The following GTF2A1 variants were observed in gnomAD, a reference collection of about 807,000 sequenced individuals.
GTF2A1 encodes general transcription factor IIA subunit 1.
GTF2A1 carries 12 observed loss-of-function variants against 54.1 expected under a neutral mutation model. That is an observed-to-expected ratio of 0.22 (90% CI 0.14 to 0.36). GTF2A1 has a LOEUF of 0.36. Among genes scored for constraint, GTF2A1 ranks in the 10% least tolerant of loss-of-function variants. GTF2A1 has a pLI of 1.00. For synonymous variants in GTF2A1, 145 were observed against 152.0 expected (o/e 0.95, Z 0.34); for missense variants, 335 against 442.2 (o/e 0.76, Z 2.17).
chr14:81,212,835 A>C (rs939772795), intron 2 of GTF2A1, among the ~76,000 whole-genome samples: 4 of 152,238 alleles, frequency 2.6e-5, no homozygotes, highest in Non-Finnish European at 4.4e-5. Flanking sequence ...CTTAATAAGC[A>C]CATGTGGCTA....
chr14:81,193,913 A>C (rs968461547), intron 6 of GTF2A1, among the ~76,000 whole-genome samples: 1 of 152,252 alleles, frequency 6.6e-6, no homozygotes, highest in Middle Eastern at 3.2e-3. Context: ...AAAAAATGGT[A>C]TAATAGACAA....
Position 81,176,839 on chromosome 14 carries a change from G to C in GTF2A1, c.*3384C>G. 6.6e-6 allele frequency: 1 copy of C among 151,900 alleles called. No homozygotes were observed. The highest frequency in any genetic ancestry group is 1.5e-5 in the Non-Finnish European group (1 of 67,888). The allele number at this position is 151,900 out of a possible 1,614,324, so 9.4% of individuals were successfully genotyped here. On this transcript the variant is annotated 3_prime_UTR_variant, in exon 9 of 9. Coordinates refer to ENST00000553612, the MANE Select transcript of GTF2A1 (RefSeq NM_015859.4). ...ACATTGCACAAAAGCTTAAAAAAAA[G>C]AAAGTTCAAGATGAAATAATCGGAA...
At chr14:81,209,979 T>C (rs1201134623) in intron 2 of GTF2A1, 2 of 858,608 alleles carry the variant, frequency 2.3e-6, no homozygotes, top group South Asian at 2.8e-5. Context: ...TCTTCTAGAA[T>C]ACTGTTCCTA....
At chr14:81,184,239 T>G (rs1315913702) in intron 8 of GTF2A1, among the ~76,000 whole-genome samples, 1 of 152,190 alleles carries the variant, frequency 6.6e-6, no homozygotes, top group East Asian at 1.9e-4. Flanking sequence ...ACAAAGGTCC[T>G]CGCTTGCCTG....
At chr14:81,208,991 T>C (rs1893302851) in intron 2 of GTF2A1, among the ~76,000 whole-genome samples, 1 of 152,240 alleles carries the variant, frequency 6.6e-6, no homozygotes, top group African/African-American at 2.4e-5. Context: ...GATGAGACTC[T>C]GGACTGTGGA....
At chr14:81,189,541 G>A (rs928802437) in intron 7 of GTF2A1, among the ~76,000 whole-genome samples, 1 of 151,982 alleles carries the variant, frequency 6.6e-6, no homozygotes, top group Admixed American at 6.6e-5. Context: ...CGAGGTGGCG[G>A]GCACCTCTAG....
chr14:81,183,754 T>C (rs1233161150), intron 8 of GTF2A1, among the ~76,000 whole-genome samples: 2 of 152,212 alleles, frequency 1.3e-5, no homozygotes, highest in Admixed American at 6.5e-5. Flanking sequence ...ACCATATTAT[T>C]AGCATTTAAC....
chr14:81,215,687 T>A (rs945625122), intron 2 of GTF2A1, among the ~76,000 whole-genome samples: 1 of 152,106 alleles, frequency 6.6e-6, no homozygotes, highest in African/African-American at 2.4e-5. Context: ...AAGCACTTAA[T>A]CCCTACAACT....
At chr14:81,190,744 A>C (rs1383618178) in intron 7 of GTF2A1, among the ~76,000 whole-genome samples, 1 of 152,166 alleles carries the variant, frequency 6.6e-6, no homozygotes, top group East Asian at 1.9e-4. Flanking sequence ...GAAGAAGAGA[A>C]GAGTGCCTGC....
chr14:81,186,910 T>G lies in GTF2A1; in HGVS notation c.934-1290A>C, dbSNP rs79501268. Among the ~76,000 whole-genome samples the G allele has an allele frequency of 2.0e-5, 3 of 151,948 alleles. No individual in the cohort carries two copies. The East Asian group carries it at 5.8e-4, about 29-fold the overall frequency. On this transcript the variant is annotated intron_variant, in intron 7 of 8. Coordinates refer to ENST00000553612, the MANE Select transcript of GTF2A1 (RefSeq NM_015859.4). ...AAGCTATGAGCCTTGATCACACCATTGCACTCCAGCCTGGACAACAACCTG... is the reference window on the plus strand; with the variant it reads ...AAGCTATGAGCCTTGATCACACCATGGCACTCCAGCCTGGACAACAACCTG...
intron 2 of GTF2A1, chr14:81,209,750 G>T (rs887514708): frequency 9.1e-5 from 34 of 374,276 alleles, no homozygotes; most frequent in African/African-American, 6.8e-4. Flanking sequence ...TATTCCTTAC[G>T]ATCAGCAGTT....
At position 81,197,406 on chromosome 14, in the gene GTF2A1, T is replaced by C; in HGVS notation, c.478+3A>G. The C allele has an allele frequency of 6.8e-7, 1 of 1,470,700 alleles. No homozygotes were observed. Among genetic ancestry groups the C allele is most frequent in the Non-Finnish European group, 9.5e-7 (1 of 1,057,204 alleles). The allele number at this position is 1,470,700 out of a possible 1,614,324, so 91.1% of individuals were successfully genotyped here. ...TTAAAATGGTTCCATCATTCCTAAT[T>C]ACCTGAATTTGTTAATATCTGCTGA... On this transcript the variant is annotated splice_donor_region_variant and intron_variant, in intron 5 of 8. Transcript: ENST00000553612.
chr14:81,204,351 C>A (rs1457336545), intron 2 of GTF2A1: 3 of 613,490 alleles, frequency 4.9e-6, no homozygotes, highest in Non-Finnish European at 9.0e-6. Flanking sequence ...TTCCAATGAA[C>A]TTTCTATAGT....
At chr14:81,197,996 T>C (rs934139579) in intron 4 of GTF2A1, among the ~76,000 whole-genome samples, 4 of 152,200 alleles carry the variant, frequency 2.6e-5, no homozygotes, top group Non-Finnish European at 5.9e-5. Context: ...TCAACAGATA[T>C]CTATAAAGAA....
Position 81,216,393 on chromosome 14 carries a change from T to TA in GTF2A1, c.132+19dup, listed in dbSNP as rs761503337. The TA allele has an allele frequency of 1.3e-4, 137 of 1,052,832 alleles. No homozygotes were observed. Among genetic ancestry groups the TA allele is most frequent in the South Asian group, 1.8e-4 (13 of 74,272 alleles). The allele number at this position is 1,052,832 out of a possible 1,614,324, so 65.2% of individuals were successfully genotyped here. ...TTGTGGGGGAAAAGTAGGAATATTT[T>TA]AAAAAAAAGACAAACTCACAGTTTT... On this transcript the variant is annotated intron_variant, in intron 2 of 8. Transcript: ENST00000553612.
At chr14:81,192,386 T>G (rs181699877) in intron 7 of GTF2A1, 133 bp downstream of exon 7, 7 of 669,104 alleles carry the variant, frequency 1.0e-5, no homozygotes, top group Admixed American at 5.3e-5. Context: ...CAATCTAACT[T>G]TATCTTTAAA....
chr14:81,194,081 G>A (rs571582212), intron 6 of GTF2A1, among the ~76,000 whole-genome samples: 4 of 152,234 alleles, frequency 2.6e-5, no homozygotes, highest in Non-Finnish European at 4.4e-5. Context: ...TAAAGGCAGC[G>A]GTCCCCAACC....
chr14:81,178,438 T>A lies in GTF2A1; in HGVS notation c.*1785A>T, dbSNP rs928138050. ...AGTCACAGAATAAACAAACTTCCCC[T>A]CAAAAAACTAAATTAATATAGTCAA... On this transcript the variant is annotated 3_prime_UTR_variant, in exon 9 of 9. Coordinates refer to ENST00000553612, the MANE Select transcript of GTF2A1 (RefSeq NM_015859.4). 4 of 152,038 alleles carry A rather than the reference T, an allele frequency of 2.6e-5. No homozygotes were observed. The highest frequency in any genetic ancestry group is 7.2e-5 in the African/African-American group (3 of 41,410). The allele number at this position is 152,038 out of a possible 1,614,324, so 9.4% of individuals were successfully genotyped here.
At chr14:81,187,894 A>G (rs1892784477) in intron 7 of GTF2A1, among the ~76,000 whole-genome samples, 1 of 151,736 alleles carries the variant, frequency 6.6e-6, no homozygotes, top group East Asian at 1.9e-4. Context: ...ATTTTTGAGG[A>G]CTATCAAACT....
Sources: gnomAD v4.1 joint callset for allele counts (sites outside exome capture counted in the v4.1 genomes callset) on GRCh38, gnomAD v4.1.1 for gene constraint, MANE v1.5 for transcripts, NCBI Gene and HGNC (gene_info 2026-07-23, HGNC 2026-07-21) for gene names.